ATP10B: variants seen among roughly 807,000 people sequenced by gnomAD.
ATP10B encodes ATPase phospholipid transporting 10B (putative).
In ATP10B, 122 loss-of-function variants were observed where a neutral mutation model predicts 141.2. The ratio of observed to expected loss-of-function variants is 0.86; its 90% CI spans 0.75 to 1.00. The LOEUF (loss-of-function observed/expected upper bound fraction) is 1.00. ATP10B is among the 50% of genes least tolerant of loss of function. The probability of loss-of-function intolerance (pLI) is 0.00; values close to 1 mark genes in which losing one functional copy is unlikely to be tolerated. For missense variants in ATP10B, 1,876 were observed against 1,825.3 expected (o/e 1.03, Z -0.51); for synonymous variants, 685 against 692.0 (o/e 0.99, Z 0.16).
intron 1 of ATP10B, among the ~76,000 whole-genome samples, chr5:160,802,754 G>T (rs1232431187): frequency 2.0e-5 from 3 of 152,188 alleles, no homozygotes; most frequent in Admixed American, 6.5e-5. Flanking sequence ...ACATTAGGGG[G>T]CAGCTTGGTT....
chr5:160,589,444 C>G (rs1288371445), intron 24 of ATP10B, 148 bp downstream of exon 24: 1 of 628,896 alleles, frequency 1.6e-6, no homozygotes, highest in African/African-American at 1.8e-5. Flanking sequence ...TCACCCCTTT[C>G]ATCCCTGTAC....
the ATP10B span, among the ~76,000 whole-genome samples, chr5:160,873,585 C>G: frequency 6.6e-6 from 1 of 152,224 alleles, no homozygotes; most frequent in African/African-American, 2.4e-5. Flanking sequence ...GTGAGCGACA[C>G]AGAAGACGGG....
intron 13 of ATP10B, among the ~76,000 whole-genome samples, chr5:160,628,466 T>G (rs1417229510): frequency 6.6e-6 from 1 of 152,218 alleles, no homozygotes; most frequent in Admixed American, 6.5e-5. Flanking sequence ...CCCACCGATT[T>G]GGAGCAGACT....
intron 22 of ATP10B, among the ~76,000 whole-genome samples, chr5:160,591,458 G>A (rs533058398): frequency 6.6e-6 from 1 of 152,214 alleles, no homozygotes. Flanking sequence ...TAAGTACTCA[G>A]GCCTTAGTGC....
chr5:160,631,074 G>C (rs1446644164), intron 13 of ATP10B, among the ~76,000 whole-genome samples: 2 of 152,170 alleles, frequency 1.3e-5, no homozygotes, highest in African/African-American at 4.8e-5. Flanking sequence ...TATTCATGGG[G>C]GAAATAAAAG....
At position 160,751,972 on chromosome 5, in the gene ATP10B, A is replaced by T. The variant is rs573277903; in HGVS notation, c.-331+33587T>A. On this transcript the variant is annotated intron_variant, in intron 2 of 25. Coordinates refer to ENST00000327245, the MANE Select transcript of ATP10B (RefSeq NM_025153.3). ...AGAAGATTCTCTAAGGCCCAGGATGAGCGTACATCCCCCTAATTGGCTATA... is the reference window on the plus strand; with the variant it reads ...AGAAGATTCTCTAAGGCCCAGGATGTGCGTACATCCCCCTAATTGGCTATA... Among the ~76,000 whole-genome samples, 255 of 152,322 alleles carry T rather than the reference A, an allele frequency of 1.7e-3. No homozygotes were observed. In the Middle Eastern group the frequency reaches 0.02, roughly 12 times the overall value.
intron 6 of ATP10B, among the ~76,000 whole-genome samples, chr5:160,674,057 G>A (rs1762886955): frequency 6.6e-6 from 1 of 152,136 alleles, no homozygotes; most frequent in East Asian, 1.9e-4. Context: ...TAATGCCTTT[G>A]GGGATGTGGG....
At chr5:160,579,448 G>A (rs1755408115) in intron 24 of ATP10B, among the ~76,000 whole-genome samples, 2 of 152,142 alleles carry the variant, frequency 1.3e-5, no homozygotes, top group African/African-American at 4.8e-5. Flanking sequence ...GCTTGTTTCT[G>A]TCAGAGTTGT....
chr5:160,573,196 G>T (rs542151125), intron 24 of ATP10B, among the ~76,000 whole-genome samples: 12 of 152,312 alleles, frequency 7.9e-5, no homozygotes, highest in Admixed American at 2.6e-4. Context: ...GAAAAGACAT[G>T]AGAGATTTGA....
intron 2 of ATP10B, among the ~76,000 whole-genome samples, chr5:160,721,726 G>T (rs565315776): frequency 2.0e-5 from 3 of 152,172 alleles, no homozygotes; most frequent in Non-Finnish European, 4.4e-5. Context: ...TGGCTAAAAA[G>T]ACTTCTTTTG....
chr5:160,727,016 T>C (rs1366013193), intron 2 of ATP10B, among the ~76,000 whole-genome samples: 3 of 152,124 alleles, frequency 2.0e-5, no homozygotes, highest in African/African-American at 7.2e-5. Flanking sequence ...CATATATTGA[T>C]TGATGTCTCA....
chr5:160,876,813 C>A, the ATP10B span, among the ~76,000 whole-genome samples: 1 of 150,302 alleles, frequency 6.7e-6, no homozygotes, highest in East Asian at 2.0e-4. Context: ...TGGACACATA[C>A]ACTCTCCCAA....
At chr5:160,781,118 C>T (rs1394011094) in intron 2 of ATP10B, among the ~76,000 whole-genome samples, 6 of 152,036 alleles carry the variant, frequency 3.9e-5, no homozygotes, top group South Asian at 4.1e-4. Flanking sequence ...AAAGATCTCT[C>T]GAAAATAAGA....
chr5:160,731,695 G>T (rs1766752176), intron 2 of ATP10B, among the ~76,000 whole-genome samples: 1 of 152,152 alleles, frequency 6.6e-6, no homozygotes, highest in South Asian at 2.1e-4. Flanking sequence ...TAAGTCTGGG[G>T]ACGATACTCA....
chr5:160,893,284 T>C, the ATP10B span, among the ~76,000 whole-genome samples: 54 of 152,266 alleles, frequency 3.5e-4, no homozygotes, highest in African/African-American at 1.1e-3. Flanking sequence ...CCAAACAAGC[T>C]AAGATCTACT....
intron 1 of ATP10B, among the ~76,000 whole-genome samples, chr5:160,845,781 T>C (rs1392684578): frequency 6.6e-6 from 1 of 152,176 alleles, no homozygotes; most frequent in Non-Finnish European, 1.5e-5. Flanking sequence ...ACGGTCACCA[T>C]GTCTCATTTA....
chr5:160,725,328 G>A (rs1766263460), intron 2 of ATP10B, among the ~76,000 whole-genome samples: 1 of 152,184 alleles, frequency 6.6e-6, no homozygotes, highest in Non-Finnish European at 1.5e-5. Context: ...TACTCACTAA[G>A]AATGTCTGTG....
At chr5:160,816,874 G>A (rs1371882464) in intron 1 of ATP10B, among the ~76,000 whole-genome samples, 1 of 152,072 alleles carries the variant, frequency 6.6e-6, no homozygotes, top group East Asian at 1.9e-4. Context: ...ATGTAATCCA[G>A]CATATAAACA....
At position 160,575,189 on chromosome 5, in the gene ATP10B, C is replaced by T. The variant is rs181001444; in HGVS notation, c.3751-5506G>A. Among the ~76,000 whole-genome samples the T allele has an allele frequency of 1.4e-4, 21 of 152,180 alleles. No individual in the cohort carries two copies. The East Asian group carries it at 3.7e-3, about 27-fold the overall frequency. On this transcript the variant is annotated intron_variant, in intron 24 of 25. Coordinates refer to ENST00000327245, the MANE Select transcript of ATP10B (RefSeq NM_025153.3). ...GTAAATTTTACCAAACTTAACATTG[C>T]TAAAATTAATTTAACATAGCTAAAA... is the stretch of plus-strand genomic sequence containing the variant.
Sources: gnomAD v4.1 joint callset for allele counts (sites outside exome capture counted in the v4.1 genomes callset) on GRCh38, gnomAD v4.1.1 for gene constraint, MANE v1.5 for transcripts, NCBI Gene and HGNC (gene_info 2026-07-23, HGNC 2026-07-21) for gene names.